FGF12: variants seen among roughly 807,000 people sequenced by gnomAD.
The protein encoded by FGF12 is fibroblast growth factor 12.
A neutral mutation model predicts 23.6 loss-of-function variants in FGF12; 14 were observed. The ratio of observed to expected loss-of-function variants is 0.59; its 90% CI spans 0.39 to 0.93. The LOEUF is 0.93. Among genes scored for constraint, FGF12 ranks in the 40% least tolerant of loss-of-function variants. The probability of loss-of-function intolerance (pLI) is 0.00; values close to 1 mark genes in which losing one functional copy is unlikely to be tolerated. For missense variants in FGF12, 175 were observed against 217.8 expected, an observed-to-expected ratio of 0.80 and a Z score of 1.24; for synonymous variants, 62 against 77.3, an observed-to-expected ratio of 0.80 and a Z score of 1.04.
intron 4 of FGF12, among the ~76,000 whole-genome samples, chr3:192,312,398 T>C (rs1431502255): frequency 6.7e-6 from 1 of 149,246 alleles, no homozygotes; most frequent in African/African-American, 2.5e-5. Flanking sequence ...TGTGAAAACT[T>C]AGCCTTTAAT....
At chr3:192,654,321 G>A (rs9825096) in intron 2 of FGF12, among the ~76,000 whole-genome samples, 81,729 of 151,804 alleles carry the variant, frequency 0.54, 22,408 homozygotes, top group East Asian at 0.67. Flanking sequence ...CAGGACAGCA[G>A]AATTTTTTTG....
intron 2 of FGF12, among the ~76,000 whole-genome samples, chr3:192,545,489 C>T (rs1725473032): frequency 1.3e-5 from 2 of 152,214 alleles, no homozygotes; most frequent in Admixed American, 6.5e-5. Context: ...CAAGTATGTG[C>T]ATAGCTTTTG....
chr3:192,647,611 A>G (rs1716051309), intron 2 of FGF12, among the ~76,000 whole-genome samples: 1 of 151,520 alleles, frequency 6.6e-6, no homozygotes, highest in Non-Finnish European at 1.5e-5. Context: ...ATTACCTGGA[A>G]TTCATATCAA....
chr3:192,320,088 T>C (rs1186762294), intron 4 of FGF12, among the ~76,000 whole-genome samples: 1 of 152,148 alleles, frequency 6.6e-6, no homozygotes, highest in Non-Finnish European at 1.5e-5. Flanking sequence ...GAGCCAATAA[T>C]GTCTTGCCTA....
At chr3:192,605,229 T>C (rs889693446) in intron 2 of FGF12, among the ~76,000 whole-genome samples, 16 of 151,752 alleles carry the variant, frequency 1.1e-4, no homozygotes, top group African/African-American at 2.9e-4. Context: ...ATACAAAAAT[T>C]AGCTTGGCAT....
chr3:192,250,240 C>A (rs1460601023), intron 4 of FGF12, among the ~76,000 whole-genome samples: 1 of 151,988 alleles, frequency 6.6e-6, no homozygotes, highest in Non-Finnish European at 1.5e-5. Context: ...GGTTCTCTGG[C>A]CCTGGAAATG....
chr3:192,570,168 A>G (rs1712527733), intron 2 of FGF12, among the ~76,000 whole-genome samples: 1 of 152,214 alleles, frequency 6.6e-6, no homozygotes, highest in Admixed American at 6.5e-5. Flanking sequence ...GGTGCCATAT[A>G]CCAAGACAGG....
chr3:192,227,514 C>G (rs367889681), intron 4 of FGF12, among the ~76,000 whole-genome samples: 1 of 147,300 alleles, frequency 6.8e-6, no homozygotes, highest in Non-Finnish European at 1.5e-5. Context: ...CAATGTTTAA[C>G]CAGGGAAAAA....
intron 4 of FGF12, among the ~76,000 whole-genome samples, chr3:192,324,418 T>A (rs942416619): frequency 6.6e-6 from 1 of 152,144 alleles, no homozygotes; most frequent in African/African-American, 2.4e-5. Flanking sequence ...AGCATCTTTT[T>A]AAAATATATC....
chr3:192,594,725 T>C (rs113722854), intron 2 of FGF12, among the ~76,000 whole-genome samples: 1 of 152,010 alleles, frequency 6.6e-6, no homozygotes, highest in African/African-American at 2.4e-5. Flanking sequence ...CCTTTCACCA[T>C]GTGATATTTT....
At chr3:192,637,012 C>T (rs1715607616) in intron 2 of FGF12, among the ~76,000 whole-genome samples, 1 of 152,132 alleles carries the variant, frequency 6.6e-6, no homozygotes, top group Non-Finnish European at 1.5e-5. Flanking sequence ...TCCACCTTAG[C>T]CTGATTATCA....
At chr3:192,684,029 C>T (rs570492839) in intron 2 of FGF12, among the ~76,000 whole-genome samples, 1 of 152,298 alleles carries the variant, frequency 6.6e-6, no homozygotes, top group South Asian at 2.1e-4. Flanking sequence ...ATCTCCCTTC[C>T]ATGATACCCA....
intron 4 of FGF12, among the ~76,000 whole-genome samples, chr3:192,187,275 G>A (rs1052696415): frequency 2.6e-5 from 4 of 152,240 alleles, no homozygotes; most frequent in Middle Eastern, 3.4e-3. Flanking sequence ...GACATATATA[G>A]TCTTTTTTTG....
At chr3:192,349,576 C>T (rs1159664451) in intron 3 of FGF12, among the ~76,000 whole-genome samples, 1 of 151,916 alleles carries the variant, frequency 6.6e-6, no homozygotes, top group Non-Finnish European at 1.5e-5. Flanking sequence ...AATGATGTCT[C>T]TATAATTGTC....
intron 2 of FGF12, among the ~76,000 whole-genome samples, chr3:192,677,159 A>G (rs1029132928): frequency 6.6e-6 from 1 of 152,152 alleles, no homozygotes. Flanking sequence ...CAACACATAC[A>G]ATAAAGACGG....
intron 2 of FGF12, among the ~76,000 whole-genome samples, chr3:192,663,421 T>C (rs1716742117): frequency 6.6e-6 from 1 of 152,070 alleles, no homozygotes; most frequent in Non-Finnish European, 1.5e-5. Context: ...ATAAATGGGG[T>C]CCAAGGCTGG....
intron 2 of FGF12, among the ~76,000 whole-genome samples, chr3:192,554,789 A>AG (rs1711690064): frequency 1.2e-5 from 1 of 81,376 alleles, no homozygotes; most frequent in South Asian, 3.6e-4. Context: ...CAATGAGCTA[A>AG]GGAAAAAAAA....
chr3:192,537,863 T>G (rs1725265794), intron 2 of FGF12, among the ~76,000 whole-genome samples: 1 of 151,598 alleles, frequency 6.6e-6, no homozygotes, highest in Non-Finnish European at 1.5e-5. Context: ...TCAAGAAATT[T>G]TTGCCAAGAA....
At chr3:192,211,473 T>C (rs771457040) in intron 4 of FGF12, among the ~76,000 whole-genome samples, 2 of 150,036 alleles carry the variant, frequency 1.3e-5, no homozygotes, top group African/African-American at 5.0e-5. Flanking sequence ...TGGCCGAGGC[T>C]GGAGTGCAGC....
Sources: allele counts gnomAD v4.1 joint callset (sites outside exome capture counted in the v4.1 genomes callset), GRCh38; gene constraint gnomAD v4.1.1; transcripts MANE v1.5; gene names NCBI Gene and HGNC (gene_info 2026-07-23, HGNC 2026-07-21).